Variants in PCDHGA9 observed in about 807,000 individuals in gnomAD.
PCDHGA9 encodes protocadherin gamma subfamily A, 9.
In PCDHGA9, 37 loss-of-function variants were observed where a neutral mutation model predicts 62.5. The ratio of observed to expected loss-of-function variants is 0.59; its 90% confidence interval spans 0.46 to 0.78. The LOEUF (loss-of-function observed/expected upper bound fraction) is 0.78, where lower values mean the gene tolerates loss of function less well. Ranked by LOEUF, PCDHGA9 falls within the 30% of genes least tolerant of loss-of-function variation. The probability of loss-of-function intolerance (pLI) is 0.00; values close to 1 mark genes in which losing one functional copy is unlikely to be tolerated. For synonymous variants in PCDHGA9, 459 were observed against 484.6 expected, an observed-to-expected ratio of 0.95 and a Z score of 0.69; for missense variants, 1,138 against 1,166.2, an observed-to-expected ratio of 0.98 and a Z score of 0.35.
At position 141,477,596 on chromosome 5, in the gene PCDHGA9, T is replaced by G. The variant is rs1364779381; in HGVS notation, c.2425-17211T>G. ...CGCCCCGCAGAATGCTCGGCTTTCTTTCTTTCTCTTGGAGCAAGGAGCTGA... is the reference window on the plus strand; with the variant it reads ...CGCCCCGCAGAATGCTCGGCTTTCTGTCTTTCTCTTGGAGCAAGGAGCTGA... On this transcript the variant is annotated intron_variant, in intron 1 of 3. Transcript: ENST00000573521. This position sits in a 1 kb window ranked among gnomAD's most constrained non-coding sequence, Gnocchi z 4.9. The G allele has an allele frequency of 6.2e-7, 1 of 1,614,184 alleles. No individual in the cohort carries two copies. The highest frequency in any genetic ancestry group is 1.1e-5 in the South Asian group (1 of 91,086).
chr5:141,487,884 A>G lies in PCDHGA9; in HGVS notation c.2425-6923A>G. 1.3e-6 allele frequency: 1 copy of G among 766,716 alleles called. No homozygotes were observed. Among genetic ancestry groups the G allele is most frequent in the Non-Finnish European group, 2.1e-6 (1 of 481,170 alleles). 47.5% of individuals were successfully genotyped at this position (766,716 alleles called of 1,614,324 possible). On this transcript the variant is annotated intron_variant, in intron 1 of 3. Transcript: ENST00000573521. The surrounding 1 kb of genome is among the most constrained non-coding windows in gnomAD (Gnocchi z 5.0). ...GTGATCAAGAGCCAGGCTGTTGTGG[A>G]AGCATGATGATGGAATGTGGGAGCA...
chr5:141,476,868 C>T lies in PCDHGA9; in HGVS notation c.2425-17939C>T, dbSNP rs1213404395. On this transcript the variant is annotated intron_variant, in intron 1 of 3. Coordinates refer to ENST00000573521, the MANE Select transcript of PCDHGA9 (RefSeq NM_018921.3). This position sits in a 1 kb window ranked among gnomAD's most constrained non-coding sequence, Gnocchi z 7.6. ...GTCTTCAACCAGTCCTTGTACCGGG[C>T]GCGCGTCCTGGAGGATGCACCCTCC... 3 of 1,613,874 alleles carry T rather than the reference C, an allele frequency of 1.9e-6. No individual in the cohort carries two copies. Among genetic ancestry groups the T allele is most frequent in the Admixed American group, 3.3e-5 (2 of 60,026 alleles).
At position 141,477,210 on chromosome 5, in the gene PCDHGA9, C is replaced by G. The variant is rs780852225; in HGVS notation, c.2425-17597C>G. 1.2e-6 allele frequency: 2 copies of G among 1,614,142 alleles called. No individual in the cohort carries two copies. The highest frequency in any genetic ancestry group is 1.7e-6 in the Non-Finnish European group (2 of 1,180,030). On this transcript the variant is annotated intron_variant, in intron 1 of 3. Coordinates refer to ENST00000573521, the MANE Select transcript of PCDHGA9 (RefSeq NM_018921.3). The surrounding 1 kb of genome is among the most constrained non-coding windows in gnomAD (Gnocchi z 4.9). ...GTGTACAGCCCAGTACCCGAGGATG[C>G]CCCTCTGGGGACTGTCATCGCTTTG...
In PCDHGA9 at chr5:141,404,317, C is replaced by T. The variant is rs375857083; in HGVS notation, c.1365C>T (p.Ala455=). Residue 455 remains alanine, a synonymous_variant, in exon 1 of 4, where the codon GCC becomes GCT. Transcript: ENST00000573521. ...INDNPPAFSQ[A]SYSVYLPENN... ...ATAATCCACCTGCTTTCTCTCAAGC[C>T]TCCTACTCAGTCTACCTCCCGGAAA... 6.2e-6 allele frequency: 10 copies of T among 1,613,780 alleles called. No homozygotes were observed. In the African/African-American group the frequency reaches 1.2e-4, roughly 19 times the overall value.
chr5:141,423,435 G>A (rs2096740494), intron 1 of PCDHGA9: 1 of 1,613,892 alleles, frequency 6.2e-7, no homozygotes, highest in Admixed American at 1.7e-5. Context: ...TGGCAGGTAT[G>A]CCCACGTCAC....
chr5:141,454,564 G>A (rs896426143), intron 1 of PCDHGA9, among the ~76,000 whole-genome samples: 1 of 151,874 alleles, frequency 6.6e-6, no homozygotes, highest in Non-Finnish European at 1.5e-5. Context: ...GTGCCACCAC[G>A]CCCGGCTAAT....
chr5:141,423,972 T>A (rs1459859824), intron 1 of PCDHGA9: 2 of 1,128,544 alleles, frequency 1.8e-6, no homozygotes, highest in African/African-American at 3.3e-5. Flanking sequence ...CTATTATCAG[T>A]GTATGAGGCT....
chr5:141,424,295 C>T (rs1481053072), intron 1 of PCDHGA9: 1 of 152,526 alleles, frequency 6.6e-6, no homozygotes, highest in East Asian at 1.9e-4. Flanking sequence ...TTTCTTCATC[C>T]TATCAACACA....
intron 1 of PCDHGA9, chr5:141,441,973 C>T (rs1457832429): frequency 6.7e-6 from 2 of 296,542 alleles, no homozygotes; most frequent in Admixed American, 4.4e-5. Context: ...GCTCTTCAGC[C>T]TGGAATGCGC....
chr5:141,507,849 C>CA (rs2099864208), intron 3 of PCDHGA9, among the ~76,000 whole-genome samples: 1 of 152,222 alleles, frequency 6.6e-6, no homozygotes, highest in African/African-American at 2.4e-5. Flanking sequence ...GCCCTGCTCT[C>CA]ACTTTCACAC....
chr5:141,497,540 CTT>C (rs754207034), intron 2 of PCDHGA9, among the ~76,000 whole-genome samples: 114 of 134,852 alleles, frequency 8.5e-4, no homozygotes, highest in Middle Eastern at 3.7e-3. Context: ...TGCAACAAAC[CTT>C]TTTTTTTTTT....
In PCDHGA9 at chr5:141,491,424, G is replaced by A. The variant is rs745755214; in HGVS notation, c.2425-3383G>A. The A allele has an allele frequency of 6.2e-7, 1 of 1,614,092 alleles. No individual in the cohort carries two copies. Among genetic ancestry groups the A allele is most frequent in the Non-Finnish European group, 8.5e-7 (1 of 1,180,028 alleles). ...ACGCAGACGGGGACGGGGGTGGAGG[G>A]CAGTGCTGCAGGCGCCAGGACTCAC... On this transcript the variant is annotated intron_variant, in intron 1 of 3. Coordinates refer to ENST00000573521, the MANE Select transcript of PCDHGA9 (RefSeq NM_018921.3). The surrounding 1 kb of genome is among the most constrained non-coding windows in gnomAD (Gnocchi z 6.9).
At position 141,490,479 on chromosome 5, in the gene PCDHGA9, C is replaced by T; in HGVS notation, c.2425-4328C>T. 11 of 1,614,216 alleles carry T rather than the reference C, an allele frequency of 6.8e-6. No homozygotes were observed. Among genetic ancestry groups the T allele is most frequent in the Non-Finnish European group, 9.3e-6 (11 of 1,180,032 alleles). ...CGCTGCTAACCAGCCAGCCTTTGGACCGGGAGGCCACATCCCACTATATCA... is the reference window on the plus strand; with the variant it reads ...CGCTGCTAACCAGCCAGCCTTTGGATCGGGAGGCCACATCCCACTATATCA... On this transcript the variant is annotated intron_variant, in intron 1 of 3. Coordinates refer to ENST00000573521, the MANE Select transcript of PCDHGA9 (RefSeq NM_018921.3). This position sits in a 1 kb window ranked among gnomAD's most constrained non-coding sequence, Gnocchi z 5.4.
rs1374646530 is a variant in PCDHGA9, at chr5:141,431,339, T to C, written c.2424+25963T>C. ...AGCCGACGGTAGTAAGTACCCCGAA[T>C]TGGTGCTGAAACGCGCCCTGGACCG... On this transcript the variant is annotated intron_variant, in intron 1 of 3. Coordinates refer to ENST00000573521, the MANE Select transcript of PCDHGA9 (RefSeq NM_018921.3). This position sits in a 1 kb window ranked among gnomAD's most constrained non-coding sequence, Gnocchi z 4.8. 1 of 1,614,060 alleles carries C rather than the reference T, an allele frequency of 6.2e-7. No individual in the cohort carries two copies. The highest frequency in any genetic ancestry group is 8.5e-7 in the Non-Finnish European group (1 of 1,180,024).
intron 3 of PCDHGA9, among the ~76,000 whole-genome samples, chr5:141,509,583 A>G (rs1008344833): frequency 7.2e-5 from 11 of 152,320 alleles, no homozygotes; most frequent in African/African-American, 2.4e-4. Flanking sequence ...CGTACAAATC[A>G]GCTGGCAATT....
rs750214310 is a variant in PCDHGA9 at position 141,432,447 on chromosome 5, T to C, written c.2424+27071T>C. 1 of 1,614,202 alleles carries C rather than the reference T, an allele frequency of 6.2e-7. No homozygotes were observed. Among genetic ancestry groups the C allele is most frequent in the South Asian group, 1.1e-5 (1 of 91,072 alleles). ...CAGAACGACAATGCGCCCGAGATCCTGTACCCCGCCCTCCCCACGGACGGT... is the reference window on the plus strand; with the variant it reads ...CAGAACGACAATGCGCCCGAGATCCCGTACCCCGCCCTCCCCACGGACGGT... On this transcript the variant is annotated intron_variant, in intron 1 of 3. Coordinates refer to ENST00000573521, the MANE Select transcript of PCDHGA9 (RefSeq NM_018921.3). This position sits in a 1 kb window ranked among gnomAD's most constrained non-coding sequence, Gnocchi z 6.0.
chr5:141,485,177 C>T lies in PCDHGA9; in HGVS notation c.2425-9630C>T. ...AGAGAATTAGCGGGCGGCAGCAATG[C>T]TCCGCAAGGTGAGAAGCTGGACAGA... On this transcript the variant is annotated intron_variant, in intron 1 of 3. Coordinates refer to ENST00000573521, the MANE Select transcript of PCDHGA9 (RefSeq NM_018921.3). This position sits in a 1 kb window ranked among gnomAD's most constrained non-coding sequence, Gnocchi z 5.7. 1 of 1,612,024 alleles carries T rather than the reference C, an allele frequency of 6.2e-7. No homozygotes were observed. Among genetic ancestry groups the T allele is most frequent in the South Asian group, 1.1e-5 (1 of 90,956 alleles).
intron 1 of PCDHGA9, among the ~76,000 whole-genome samples, chr5:141,449,868 T>C (rs902371897): frequency 1.3e-5 from 2 of 151,910 alleles, no homozygotes; most frequent in African/African-American, 4.8e-5. Flanking sequence ...AATCAGAAAA[T>C]TTAACATCAA....
At chr5:141,430,384 A>G (rs547268242) in intron 1 of PCDHGA9, among the ~76,000 whole-genome samples, 32 of 122,116 alleles carry the variant, frequency 2.6e-4, no homozygotes, top group East Asian at 6.6e-4. Context: ...GCTCATTGGG[A>G]AAAAAAAAAA....
Sources: allele counts gnomAD v4.1 joint callset (sites outside exome capture counted in the v4.1 genomes callset), GRCh38; gene constraint gnomAD v4.1.1; non-coding constraint Gnocchi (gnomAD v3.1); transcripts MANE v1.5; gene names NCBI Gene and HGNC (gene_info 2026-07-23, HGNC 2026-07-21).